PITPNM3: variants seen among roughly 807,000 people sequenced by gnomAD.
The protein encoded by PITPNM3 is membrane-associated phosphatidylinositol transfer protein 3.
Under a neutral mutation model 102.0 loss-of-function variants are expected in PITPNM3, and 26 were observed. That is an observed-to-expected ratio of 0.25 (90% CI 0.19 to 0.35). The LOEUF (loss-of-function observed/expected upper bound fraction) is 0.35. Ranked by LOEUF, PITPNM3 falls within the 10% of genes least tolerant of loss-of-function variation. The pLI is 1.00. For missense variants in PITPNM3, 1,083 were observed against 1,346.1 expected (o/e 0.80, Z 3.06); for synonymous variants, 578 against 558.6 (o/e 1.03, Z -0.49).
intron 4 of PITPNM3, among the ~76,000 whole-genome samples, chr17:6,495,559 C>A (rs1370399874): frequency 6.6e-6 from 1 of 152,138 alleles, no homozygotes; most frequent in Non-Finnish European, 1.5e-5. Flanking sequence ...GAGCGTGAAC[C>A]CTTGCAGCCA....
At position 6,517,692 on chromosome 17, in the gene PITPNM3, T is replaced by C. The variant is rs534657754; in HGVS notation, c.226+7664A>G. Among the ~76,000 whole-genome samples, 24 of 152,210 alleles carry C rather than the reference T, an allele frequency of 1.6e-4. No homozygotes were observed. The highest frequency in any genetic ancestry group is 5.8e-4 in the African/African-American group (24 of 41,536). On this transcript the variant is annotated intron_variant, in intron 3 of 19. Coordinates refer to ENST00000262483, the MANE Select transcript of PITPNM3 (RefSeq NM_031220.4). The surrounding 1 kb of genome is among the most constrained non-coding windows in gnomAD (Gnocchi z 4.1). ...CTCTCACCTCAGCCTCCAGAATAAC[T>C]GGGAACACAGGCACATGCCATCACA...
At chr17:6,477,415 G>C (rs952524749) in intron 8 of PITPNM3, among the ~76,000 whole-genome samples, 2 of 152,204 alleles carry the variant, frequency 1.3e-5, no homozygotes, top group African/African-American at 2.4e-5. Context: ...CACCGGGATT[G>C]ACATTCCCAC....
chr17:6,502,290 C>A (rs561562672), intron 4 of PITPNM3, among the ~76,000 whole-genome samples: 1 of 152,208 alleles, frequency 6.6e-6, no homozygotes, highest in African/African-American at 2.4e-5. Context: ...CCATCTCTAC[C>A]AAAAACACAA....
At chr17:6,504,645 T>C (rs534765145) in intron 3 of PITPNM3, among the ~76,000 whole-genome samples, 5 of 152,274 alleles carry the variant, frequency 3.3e-5, no homozygotes, top group African/African-American at 9.6e-5. Context: ...TCTGGGTTCA[T>C]TCCTACAAGA....
At position 6,501,595 on chromosome 17, in the gene PITPNM3, CT is replaced by C. The variant is rs1209070938; in HGVS notation, c.274+1931del. Among the ~76,000 whole-genome samples, 15 of 152,314 alleles carry C rather than the reference CT, an allele frequency of 9.8e-5. No homozygotes were observed. In the East Asian group the frequency reaches 2.9e-3, roughly 29 times the overall value. The stretch of plus-strand genomic sequence containing the variant: ...GCATGGTTCTCCTGCTCTGCCCTGC[CT>C]TTCCAGAGAAAAAACCAACAAGGGC... On this transcript the variant is annotated intron_variant, in intron 4 of 19. Transcript: ENST00000262483.
chr17:6,472,570 C>A lies in PITPNM3; in HGVS notation c.1429+87G>T, dbSNP rs976919713. The A allele has an allele frequency of 2.7e-6, 4 of 1,477,814 alleles. No individual in the cohort carries two copies. Among genetic ancestry groups the A allele is most frequent in the African/African-American group, 2.8e-5 (2 of 71,636 alleles). 91.5% of individuals were successfully genotyped at this position (1,477,814 alleles called of 1,614,324 possible). On this transcript the variant is annotated intron_variant, in intron 11 of 19. Coordinates refer to ENST00000262483, the MANE Select transcript of PITPNM3 (RefSeq NM_031220.4). This position sits in a 1 kb window ranked among gnomAD's most constrained non-coding sequence, Gnocchi z 4.1. Reference sequence around the variant, plus strand: ...TCACAGCCCCTGCTCAGGTGAGTCACCCTACTCACTGAGAGCTTGGAGGGG... The same window carrying A: ...TCACAGCCCCTGCTCAGGTGAGTCAACCTACTCACTGAGAGCTTGGAGGGG...
chr17:6,506,133 C>G (rs1907493723), intron 3 of PITPNM3, among the ~76,000 whole-genome samples: 1 of 152,090 alleles, frequency 6.6e-6, no homozygotes, highest in African/African-American at 2.4e-5. Flanking sequence ...AGCTTGCAGA[C>G]TCTTCCAAAT....
In PITPNM3 at chr17:6,483,720, ATG is replaced by A; in HGVS notation, c.382_383del (p.His128CysfsTer61). On this transcript the variant is annotated frameshift_variant, in exon 6 of 20. Coordinates refer to ENST00000262483, the MANE Select transcript of PITPNM3 (RefSeq NM_031220.4). LOFTEE classifies it high-confidence loss of function. ...EGCPQRSCKT[H>X]VLLLVLHGGN... ...CCCCATGCAGGACCAGCAGGAGGAC[ATG>A]TGTCTTGCAGGAGCGCTGCGGGCAG... 1 of 1,613,910 alleles carries A rather than the reference ATG, an allele frequency of 6.2e-7. No individual in the cohort carries two copies. Among genetic ancestry groups the A allele is most frequent in the Non-Finnish European group, 8.5e-7 (1 of 1,180,012 alleles).
intron 2 of PITPNM3, among the ~76,000 whole-genome samples, chr17:6,528,482 G>A (rs112808161): frequency 6.6e-4 from 101 of 152,110 alleles, no homozygotes; most frequent in African/African-American, 2.3e-3. Flanking sequence ...GTGCATGCAT[G>A]TGTGTGCATG....
chr17:6,551,584 C>A (rs1232634382), intron 1 of PITPNM3, among the ~76,000 whole-genome samples: 2 of 152,046 alleles, frequency 1.3e-5, no homozygotes, highest in African/African-American at 2.4e-5. Flanking sequence ...ATTTAAGAAT[C>A]CCAGCGTTGT....
intron 4 of PITPNM3, among the ~76,000 whole-genome samples, chr17:6,494,318 T>C (rs1291371992): frequency 6.6e-6 from 1 of 152,160 alleles, no homozygotes; most frequent in East Asian, 1.9e-4. Context: ...CCCTGCCTCC[T>C]CAGGGAGACT....
intron 3 of PITPNM3, among the ~76,000 whole-genome samples, chr17:6,523,648 C>A (rs1908663518): frequency 6.6e-6 from 1 of 152,208 alleles, no homozygotes; most frequent in Admixed American, 6.5e-5. Flanking sequence ...AGGCTACAAG[C>A]ACTATTGTGG....
rs1489938234 is a variant in PITPNM3 at position 6,471,364 on chromosome 17, G to A, written c.1430-9C>T. 3 of 1,574,162 alleles carry A rather than the reference G, an allele frequency of 1.9e-6. No homozygotes were observed. The highest frequency in any genetic ancestry group is 2.3e-5 in the East Asian group (1 of 44,016). ...GGTGTGTAGGGCATCAGCTGGAGGG[G>A]GAATTTCAAGGTCAGGCTGAGTCAC... On this transcript the variant is annotated splice_polypyrimidine_tract_variant and intron_variant, in intron 11 of 19. Transcript: ENST00000262483.
chr17:6,520,335 A>T (rs1382283689), intron 3 of PITPNM3, among the ~76,000 whole-genome samples: 1 of 152,252 alleles, frequency 6.6e-6, no homozygotes, highest in Non-Finnish European at 1.5e-5. Flanking sequence ...TATACTTTAA[A>T]CCCATAAAGC....
intron 3 of PITPNM3, among the ~76,000 whole-genome samples, chr17:6,510,838 G>A (rs776358521): frequency 1.3e-5 from 2 of 152,244 alleles, no homozygotes; most frequent in Non-Finnish European, 2.9e-5. Flanking sequence ...CAGAGGCAGC[G>A]CATGGGATTG....
intron 4 of PITPNM3, among the ~76,000 whole-genome samples, chr17:6,487,379 G>A (rs1195621986): frequency 1.3e-5 from 2 of 152,080 alleles, no homozygotes; most frequent in East Asian, 1.9e-4. Context: ...ATGGGTTAGC[G>A]GCTATTGTTA....
chr17:6,463,601 G>C (rs1904605230), intron 17 of PITPNM3, 131 bp downstream of exon 17: 1 of 1,329,052 alleles, frequency 7.5e-7, no homozygotes, highest in Non-Finnish European at 1.0e-6. Flanking sequence ...GGTAAAGCCA[G>C]GGCTTCTCAG....
intron 3 of PITPNM3, among the ~76,000 whole-genome samples, chr17:6,522,567 A>G (rs1908595942): frequency 6.6e-6 from 1 of 152,126 alleles, no homozygotes; most frequent in Non-Finnish European, 1.5e-5. Context: ...CTGGAGATAG[A>G]GCAAGGAGTT....
rs1407151423 is a variant in PITPNM3 at position 6,455,197 on chromosome 17, C to G, written c.*141G>C. The G allele has an allele frequency of 8.6e-7, 1 of 1,162,042 alleles. No individual in the cohort carries two copies. Among genetic ancestry groups the G allele is most frequent in the Non-Finnish European group, 1.2e-6 (1 of 857,302 alleles). 72.0% of individuals were successfully genotyped at this position (1,162,042 alleles called of 1,614,324 possible). ...CCCGGGCTCGGGCAGGATCCCTCCC[C>G]GCTCTGGTCGGACACTGCTGGACAG... is the stretch of plus-strand genomic sequence containing the variant. On this transcript the variant is annotated 3_prime_UTR_variant, in exon 20 of 20. Transcript: ENST00000262483.
Sources: allele counts gnomAD v4.1 joint callset (sites outside exome capture counted in the v4.1 genomes callset), GRCh38; gene constraint gnomAD v4.1.1; non-coding constraint Gnocchi (gnomAD v3.1); transcripts MANE v1.5; gene names NCBI Gene and HGNC (gene_info 2026-07-23, HGNC 2026-07-21).